ICE2: variants seen among roughly 807,000 people sequenced by gnomAD.
ICE2 encodes little elongation complex subunit 2.
ICE2 carries 87 observed loss-of-function variants against 105.4 expected under a neutral mutation model. The ratio of observed to expected loss-of-function variants is 0.83; its 90% CI spans 0.69 to 0.99. The LOEUF is 0.99. ICE2 is among the 50% of genes least tolerant of loss of function. The pLI, the probability that ICE2 is intolerant of heterozygous loss-of-function variation, is 0.00. For synonymous variants in ICE2, 399 were observed against 392.0 expected, an observed-to-expected ratio of 1.02 and a Z score of -0.21; for missense variants, 1,323 against 1,146.7, an observed-to-expected ratio of 1.15 and a Z score of -2.22.
chr15:60,450,569 T>G (rs965370911), intron 9 of ICE2, among the ~76,000 whole-genome samples: 2 of 152,210 alleles, frequency 1.3e-5, no homozygotes. Flanking sequence ...CAGAGCACTT[T>G]AAATACCATA....
chr15:60,447,861 G>C lies in ICE2; in HGVS notation c.2295+109C>G, dbSNP rs2063857961. The C allele has an allele frequency of 4.6e-5, 40 of 869,716 alleles. 1 individual carries two copies. In the South Asian group the frequency reaches 7.3e-4, roughly 16 times the overall value. The allele number at this position is 869,716 out of a possible 1,614,324, so 53.9% of individuals were successfully genotyped here. A position where few individuals can be genotyped will look rare whatever the true frequency, so the allele number is the denominator to read the frequency against. On this transcript the variant is annotated intron_variant, in intron 11 of 15. Transcript: ENST00000261520. ...AAAAACAAAAAACAAAACTCAACCT[G>C]AAGATACTACTATGAGTGCTCAACA...
chr15:60,434,295 C>T (rs2063529375), intron 13 of ICE2, among the ~76,000 whole-genome samples: 1 of 152,168 alleles, frequency 6.6e-6, no homozygotes, highest in South Asian at 2.1e-4. Flanking sequence ...GAAGGGCAAA[C>T]TGAGAAGTTA....
chr15:60,444,076 G>A (rs1048428072), intron 11 of ICE2, among the ~76,000 whole-genome samples: 1 of 152,090 alleles, frequency 6.6e-6, no homozygotes, highest in Non-Finnish European at 1.5e-5. Flanking sequence ...ACTCCTGCCT[G>A]GGCAACACAG....
intron 9 of ICE2, chr15:60,451,483 T>A (rs1181503009): frequency 4.1e-6 from 4 of 984,664 alleles, no homozygotes; most frequent in Admixed American, 6.2e-5. Context: ...TTTAAAAACA[T>A]TCCAAATTGT....
chr15:60,465,279 C>A (rs2064391175), intron 5 of ICE2, among the ~76,000 whole-genome samples: 1 of 152,114 alleles, frequency 6.6e-6, no homozygotes, highest in South Asian at 2.1e-4. Flanking sequence ...GCAGCCTCCA[C>A]CTCCTGGGCT....
At chr15:60,424,835 T>G (rs888623170) in intron 15 of ICE2, among the ~76,000 whole-genome samples, 2 of 152,222 alleles carry the variant, frequency 1.3e-5, no homozygotes, top group Non-Finnish European at 2.9e-5. Context: ...ACAGAATCCC[T>G]TGCTATGTAG....
Position 60,423,739 on chromosome 15 carries a change from T to G in ICE2, c.2844A>C (p.Thr948=), listed in dbSNP as rs149661187. ...TGGAAACTGGATTCCTGTGGCTGCGTGTAGGCATTCTCGTTCCACCAATCT... is the reference window on the plus strand; with the variant it reads ...TGGAAACTGGATTCCTGTGGCTGCGGGTAGGCATTCTCGTTCCACCAATCT... ...QQKIGGTRMP[T]RSHRNPVSME... is the part of the protein sequence containing the mutation. The change falls in exon 16 of 16, where the codon ACA becomes ACC. Residue 948 remains threonine (T), a synonymous_variant. Coordinates refer to ENST00000261520, the MANE Select transcript of ICE2 (RefSeq NM_024611.6). The G allele has an allele frequency of 1.7e-4, 267 of 1,598,046 alleles. No individual in the cohort carries two copies. The highest frequency in any genetic ancestry group is 3.1e-5 in the Non-Finnish European group (37 of 1,175,202).
intron 12 of ICE2, chr15:60,440,153 G>C (rs1012052967): frequency 7.9e-5 from 12 of 152,208 alleles, no homozygotes; most frequent in African/African-American, 2.9e-4. Flanking sequence ...TTTGAAAGAA[G>C]TGACATGACT....
In ICE2 at chr15:60,436,161, T is replaced by C. The variant is rs1003607900; in HGVS notation, c.2492A>G (p.Glu831Gly). ...LEEITSEELK[E>G]KLSALKISNL... ...TTCTTACTTGAGTGCTGAAAGCTTT[T>C]CTTTTAATTCTTCTGAGGTAATTTC... Residue 831 changes from glutamate (E) to glycine (G), a missense_variant, in exon 13 of 16, where the codon GAA becomes GGA. Glu to Gly is a moderately conservative substitution (Grantham distance 98). Coordinates refer to ENST00000261520, the MANE Select transcript of ICE2 (RefSeq NM_024611.6). 3 of 1,453,036 alleles carry C rather than the reference T, an allele frequency of 2.1e-6. No homozygotes were observed. The East Asian group carries it at 7.5e-5, about 36-fold the overall frequency. The allele number at this position is 1,453,036 out of a possible 1,614,324, so 90.0% of individuals were successfully genotyped here.
chr15:60,458,734 C>A (rs1158544439), intron 5 of ICE2, among the ~76,000 whole-genome samples: 1 of 151,992 alleles, frequency 6.6e-6, no homozygotes, highest in Non-Finnish European at 1.5e-5. Context: ...TACACACGCG[C>A]ACACACAAAC....
intron 3 of ICE2, among the ~76,000 whole-genome samples, 175 bp from the exon 4 acceptor site, chr15:60,468,497 A>G (rs774501529): frequency 6.6e-6 from 1 of 152,224 alleles, no homozygotes; most frequent in Non-Finnish European, 1.5e-5. Flanking sequence ...AAGTAGATTA[A>G]GTATTCTGTG....
intron 15 of ICE2, among the ~76,000 whole-genome samples, chr15:60,427,524 G>A (rs1240364007): frequency 1.3e-5 from 2 of 152,128 alleles, no homozygotes; most frequent in Non-Finnish European, 2.9e-5. Flanking sequence ...AAGTTCAAGC[G>A]ATTCTCCTGC....
chr15:60,426,138 A>G (rs2063333898), intron 15 of ICE2, among the ~76,000 whole-genome samples: 1 of 152,202 alleles, frequency 6.6e-6, no homozygotes, highest in Admixed American at 6.5e-5. Context: ...TTGTGAACAT[A>G]TGGAATTTCT....
chr15:60,448,023 C>A lies in ICE2; in HGVS notation c.2242G>T (p.Val748Phe). The A allele has an allele frequency of 6.2e-7, 1 of 1,613,838 alleles. No homozygotes were observed. The highest frequency in any genetic ancestry group is 8.5e-7 in the Non-Finnish European group (1 of 1,179,862). ...QDLLLLVRCS[V>F]QRIETRPRSK... ...CGTGGTCTTGTCTCTATCCTCTGGA[C>A]ACTGCAGCGTACGAGTAACAACAGG... Residue 748 changes from valine (V) to phenylalanine (F), a missense_variant, in exon 11 of 16, where the codon GTC (valine) becomes TTC (phenylalanine). By Grantham distance (50) the Val-to-Phe change is conservative. Transcript: ENST00000261520.
intron 15 of ICE2, among the ~76,000 whole-genome samples, chr15:60,427,980 ACTG>A (rs2063373966): frequency 6.6e-6 from 1 of 152,182 alleles, no homozygotes; most frequent in Non-Finnish European, 1.5e-5. Flanking sequence ...CTGTTCACAA[ACTG>A]CTATTACTTC....
intron 11 of ICE2, 58 bp from the exon 12 acceptor site, chr15:60,442,603 A>T (rs2063742215): frequency 7.5e-7 from 1 of 1,340,662 alleles, no homozygotes; most frequent in East Asian, 2.5e-5. Context: ...AATAGCAAAT[A>T]CATTTGCCTA....
At chr15:60,478,975 T>C in intron 1 of ICE2, 28 bp downstream of exon 1, 1 of 455,914 alleles carries the variant, frequency 2.2e-6, no homozygotes, top group South Asian at 1.5e-5. Flanking sequence ...CGTCCGCGTC[T>C]GGGCTGCAAC....
chr15:60,457,887 T>C (rs1431376142), intron 5 of ICE2, among the ~76,000 whole-genome samples: 2 of 152,192 alleles, frequency 1.3e-5, no homozygotes, highest in Admixed American at 6.5e-5. Context: ...TAACTTTCAC[T>C]TGCAACATTC....
In ICE2 at chr15:60,449,584, C is replaced by T. The variant is rs1246900684; in HGVS notation, c.1383G>A (p.Met461Ile). Residue 461 changes from methionine (M) to isoleucine (I), a missense_variant, in exon 10 of 16, where the codon ATG (methionine) becomes ATA (isoleucine). By Grantham distance (10) the Met-to-Ile change is conservative (BLOSUM62 1). Coordinates refer to ENST00000261520, the MANE Select transcript of ICE2 (RefSeq NM_024611.6). ...GCTGTTTCTCCTTTTGCAATTGTTC[C>T]ATCAGAATCTGAGATAAACTTCTAG... ...ANSRSLSQIL[M>I]EQLQKEKQLV... is the part of the protein sequence containing the mutation. 2 of 1,614,004 alleles carry T rather than the reference C, an allele frequency of 1.2e-6. No individual in the cohort carries two copies. The highest frequency in any genetic ancestry group is 1.3e-5 in the African/African-American group (1 of 74,900).
Sources: gnomAD v4.1 joint callset for allele counts (sites outside exome capture counted in the v4.1 genomes callset) on GRCh38, gnomAD v4.1.1 for gene constraint, MANE v1.5 for transcripts, NCBI Gene and HGNC (gene_info 2026-07-23, HGNC 2026-07-21) for gene names.